GLI3: variants seen among roughly 807,000 people sequenced by gnomAD.
GLI3 encodes GLI family zinc finger 3.
In GLI3, 20 loss-of-function variants were observed where a neutral mutation model predicts 100.8. The ratio of observed to expected loss-of-function variants is 0.20; its 90% CI spans 0.14 to 0.29. The LOEUF (loss-of-function observed/expected upper bound fraction) is 0.29. Among genes scored for constraint, GLI3 ranks in the 10% least tolerant of loss-of-function variants. The pLI is 1.00. For missense variants in GLI3, 2,040 were observed against 2,128.5 expected (o/e 0.96, Z 0.82); for synonymous variants, 938 against 860.5 (o/e 1.09, Z -1.58).
Position 41,964,425 on chromosome 7 carries a change from G to T in GLI3, c.4648C>A (p.Leu1550Met). 2.5e-6 allele frequency: 4 copies of T among 1,614,090 alleles called. No homozygotes were observed. Among genetic ancestry groups the T allele is most frequent in the Non-Finnish European group, 3.4e-6 (4 of 1,179,890 alleles). ...GCCATGTTGGTGGTGCTCATGGACA[G>T]CGCTGGGAATGGGAGGGACGCCCGA... is the stretch of plus-strand genomic sequence containing the variant. The part of the protein sequence containing the change: ...TPRASLPFPA[L>M]SMSTTNMAIG... Residue 1550 changes from leucine (L) to methionine (M), a missense_variant, in exon 15 of 15, where the codon CTG (leucine) becomes ATG (methionine). By Grantham distance (15) the Leu-to-Met change is conservative. Transcript: ENST00000395925.
chr7:42,177,386 A>G (rs1006040314), intron 2 of GLI3, among the ~76,000 whole-genome samples: 2 of 152,174 alleles, frequency 1.3e-5, no homozygotes, highest in African/African-American at 4.8e-5. Flanking sequence ...TTAGAAGCTA[A>G]GGGAACTGAA....
At chr7:42,197,270 T>C (rs565796128) in intron 2 of GLI3, among the ~76,000 whole-genome samples, 6 of 152,260 alleles carry the variant, frequency 3.9e-5, no homozygotes, top group Admixed American at 1.3e-4. Context: ...CAGCTAAGAG[T>C]AATGACATAA....
At chr7:42,083,129 T>G (rs190973849) in intron 3 of GLI3, among the ~76,000 whole-genome samples, 1 of 152,230 alleles carries the variant, frequency 6.6e-6, no homozygotes, top group Admixed American at 6.5e-5. Flanking sequence ...CTAACAAACA[T>G]TGGGTCTCAT....
chr7:41,961,552 A>C lies in GLI3; in HGVS notation c.*2778T>G, dbSNP rs1787012220. On this transcript the variant is annotated 3_prime_UTR_variant, in exon 15 of 15. Coordinates refer to ENST00000395925, the MANE Select transcript of GLI3 (RefSeq NM_000168.6). The stretch of plus-strand genomic sequence containing the variant: ...AGGGGTTAACTTTTTCAGAAAAATA[A>C]AACAAAAATGGTTAGAAAACGTTTA... 1 of 152,506 alleles carries C rather than the reference A, an allele frequency of 6.6e-6. No individual in the cohort carries two copies. Among genetic ancestry groups the C allele is most frequent in the Non-Finnish European group, 1.5e-5 (1 of 67,998 alleles). The allele number at this position is 152,506 out of a possible 1,614,324, so 9.4% of individuals were successfully genotyped here. A position where few individuals can be genotyped will look rare whatever the true frequency, so the allele number is the denominator to read the frequency against.
intron 1 of GLI3, among the ~76,000 whole-genome samples, chr7:42,232,433 G>A (rs1788711493): frequency 6.6e-6 from 1 of 152,230 alleles, no homozygotes; most frequent in Non-Finnish European, 1.5e-5. Context: ...GTGTGAAGAA[G>A]TGCTGGGCAG....
chr7:42,170,841 T>G (rs1037000965), intron 2 of GLI3, among the ~76,000 whole-genome samples: 2 of 152,186 alleles, frequency 1.3e-5, no homozygotes, highest in Non-Finnish European at 2.9e-5. Flanking sequence ...AAATCCCCTG[T>G]AGGGGTGGGA....
intron 10 of GLI3, among the ~76,000 whole-genome samples, chr7:41,981,571 A>G (rs1787669596): frequency 6.6e-6 from 1 of 152,178 alleles, no homozygotes; most frequent in Admixed American, 6.5e-5. Context: ...GACCCTAGAA[A>G]GAAAGGGAAG....
At chr7:42,194,757 C>CTTTT (rs1338910591) in intron 2 of GLI3, among the ~76,000 whole-genome samples, 7 of 81,860 alleles carry the variant, frequency 8.6e-5, no homozygotes, top group African/African-American at 1.4e-4. Context: ...CTCTCTCTGT[C>CTTTT]TCTTTTTTTT....
intron 2 of GLI3, among the ~76,000 whole-genome samples, chr7:42,199,910 G>A (rs181119707): frequency 1.8e-4 from 27 of 152,244 alleles, no homozygotes; most frequent in Non-Finnish European, 1.2e-4. Context: ...ACAAAAATTA[G>A]CCAGGCATGG....
chr7:42,187,929 G>A (rs746546641), intron 2 of GLI3, among the ~76,000 whole-genome samples: 3 of 147,614 alleles, frequency 2.0e-5, no homozygotes, highest in Non-Finnish European at 4.4e-5. Context: ...CTCGAACCCG[G>A]GAGGCAGAGG....
chr7:41,984,924 T>A (rs1326346369), intron 10 of GLI3, among the ~76,000 whole-genome samples: 1 of 152,254 alleles, frequency 6.6e-6, no homozygotes, highest in Admixed American at 6.5e-5. Context: ...ATGATCTCTC[T>A]CACATACACA....
intron 3 of GLI3, among the ~76,000 whole-genome samples, chr7:42,100,731 GA>G (rs1785443426): frequency 6.6e-6 from 1 of 152,070 alleles, no homozygotes; most frequent in Non-Finnish European, 1.5e-5. Context: ...GACAGAGCAA[GA>G]CTCTTTCCAA....
At chr7:42,182,672 A>G (rs1787632401) in intron 2 of GLI3, among the ~76,000 whole-genome samples, 1 of 67,152 alleles carries the variant, frequency 1.5e-5, no homozygotes, top group Admixed American at 1.5e-4. Context: ...ATATATATAT[A>G]TATATATATA....
chr7:42,019,536 C>A (rs1788876301), intron 10 of GLI3, among the ~76,000 whole-genome samples: 1 of 151,710 alleles, frequency 6.6e-6, no homozygotes, highest in Admixed American at 6.6e-5. Context: ...AACATCAGCA[C>A]AAACCAAATA....
upstream of GLI3, among the ~76,000 whole-genome samples, chr7:42,241,374 C>G (rs1021145629): frequency 8.5e-5 from 13 of 152,192 alleles, no homozygotes; most frequent in African/African-American, 2.9e-4. Context: ...CCTGCCCACT[C>G]TGCTTTCCTG....
chr7:42,157,059 T>C (rs1168618643), intron 2 of GLI3, among the ~76,000 whole-genome samples: 2 of 152,202 alleles, frequency 1.3e-5, no homozygotes, highest in Non-Finnish European at 2.9e-5. Flanking sequence ...TGCATTTAAA[T>C]ATCACGATAA....
intron 2 of GLI3, among the ~76,000 whole-genome samples, chr7:42,159,388 C>G (rs537210165): frequency 4.6e-5 from 7 of 152,202 alleles, no homozygotes; most frequent in Admixed American, 2.0e-4. Flanking sequence ...TTCATGCTGC[C>G]CAAGAGTATA....
intron 2 of GLI3, among the ~76,000 whole-genome samples, chr7:42,157,247 T>C (rs1440129315): frequency 2.0e-5 from 3 of 152,206 alleles, no homozygotes; most frequent in Non-Finnish European, 2.9e-5. Flanking sequence ...AAATGTGCAT[T>C]TGAGAAACCC....
At chr7:42,167,626 C>T (rs915479714) in intron 2 of GLI3, among the ~76,000 whole-genome samples, 7 of 152,264 alleles carry the variant, frequency 4.6e-5, no homozygotes, top group South Asian at 2.1e-4. Context: ...GAGAAATAAA[C>T]GTAACTCTGG....
Sources: gnomAD v4.1 joint callset for allele counts (sites outside exome capture counted in the v4.1 genomes callset) on GRCh38, gnomAD v4.1.1 for gene constraint, MANE v1.5 for transcripts, NCBI Gene and HGNC (gene_info 2026-07-23, HGNC 2026-07-21) for gene names.